The following SLC25A43 variants were observed in gnomAD, a reference collection of about 807,000 sequenced individuals.
SLC25A43 encodes the protein solute carrier family 25 member 43.
In SLC25A43, 10 loss-of-function variants were observed where a neutral mutation model predicts 22.8. The observed-to-expected ratio is 0.44, with a 90% confidence interval of 0.27 to 0.74. The LOEUF is 0.74. SLC25A43 is among the 30% of genes least tolerant of loss of function. SLC25A43 has a pLI of 0.17. For synonymous variants in SLC25A43, 106 were observed against 121.6 expected (o/e 0.87, Z 0.84); for missense variants, 233 against 279.1 (o/e 0.83, Z 1.18).
Position 119,443,752 on chromosome X carries a change from T to TTTTA in SLC25A43, c.691-8253_691-8250dup, listed in dbSNP as rs1556099147. On this transcript the variant is annotated intron_variant, in intron 3 of 4. Transcript: ENST00000217909. ...TTTATTTATTTATTTATTTATTTAT[T>TTTTA]TTTATTTTTTTGAAACAGGGTTTTT... 9.9e-3 allele frequency among the ~76,000 whole-genome samples: 1,013 copies of TTTTA among 102,550 alleles called. 139 individuals are homozygous for TTTTA. The highest frequency in any genetic ancestry group is 0.032 in the African/African-American group (890 of 27,921). The allele number at this position is 102,550 out of a possible 115,157, so 89.1% of individuals were successfully genotyped here. A position where few individuals can be genotyped will look rare whatever the true frequency, so the allele number is the denominator to read the frequency against.
chrX:119,400,618 C>T (rs1460782948), intron 1 of SLC25A43, among the ~76,000 whole-genome samples: 1 of 111,992 alleles, frequency 8.9e-6, no homozygotes, highest in Non-Finnish European at 1.9e-5. Context: ...TTAGTCTTGG[C>T]GGCTAATAGT....
At chrX:119,404,647 G>GCA (rs1451991799) in intron 1 of SLC25A43, among the ~76,000 whole-genome samples, 4 of 111,466 alleles carry the variant, frequency 3.6e-5, no homozygotes, top group African/African-American at 1.3e-4. Context: ...TGGATGAAAA[G>GCA]CACATGATCT....
intron 2 of SLC25A43, among the ~76,000 whole-genome samples, chrX:119,409,776 C>G (rs2052333507): frequency 9.1e-6 from 1 of 110,246 alleles, no homozygotes; most frequent in African/African-American, 3.3e-5. Context: ...ACGCCACACC[C>G]AGTTACTTTT....
chrX:119,442,069 G>A (rs919730474), intron 3 of SLC25A43, among the ~76,000 whole-genome samples: 1 of 105,402 alleles, frequency 9.5e-6, no homozygotes, highest in East Asian at 2.8e-4. Context: ...CAGCCTGGGT[G>A]ACAGAGCGAG....
chrX:119,452,492 C>CA (rs376677564), intron 4 of SLC25A43, among the ~76,000 whole-genome samples: 8,636 of 65,831 alleles, frequency 0.13, 418 homozygotes, highest in African/African-American at 0.18. Context: ...AACTCCATGA[C>CA]AAAAAAAAAA....
chrX:119,405,361 CTT>C (rs200334829), intron 1 of SLC25A43, among the ~76,000 whole-genome samples: 2,562 of 110,540 alleles, frequency 0.023, 63 homozygotes, highest in African/African-American at 0.075. Flanking sequence ...AATGCCCACT[CTT>C]ATTTCTCATG....
At chrX:119,429,954 T>C (rs1603297743) in intron 3 of SLC25A43, among the ~76,000 whole-genome samples, 1 of 112,113 alleles carries the variant, frequency 8.9e-6, no homozygotes, top group East Asian at 2.8e-4. Flanking sequence ...TTCAGTCTCC[T>C]CATTTGACAT....
intron 1 of SLC25A43, among the ~76,000 whole-genome samples, chrX:119,404,579 G>A (rs1414135106): frequency 9.0e-6 from 1 of 111,254 alleles, no homozygotes; most frequent in Non-Finnish European, 1.9e-5. Context: ...CTGTCCTCTC[G>A]GGTTTTTATG....
At chrX:119,412,275 G>A (rs746549354) in intron 3 of SLC25A43, among the ~76,000 whole-genome samples, 2 of 111,674 alleles carry the variant, frequency 1.8e-5, no homozygotes, top group South Asian at 7.5e-4. Flanking sequence ...TGGTAGTATA[G>A]GTGCAAAATT....
chrX:119,405,584 C>A (rs184849157), intron 1 of SLC25A43, among the ~76,000 whole-genome samples: 4,616 of 86,364 alleles, frequency 0.053, 167 homozygotes, highest in Non-Finnish European at 0.082. Flanking sequence ...CATGGCGAAA[C>A]CCTATCTCTA....
At chrX:119,425,662 G>A (rs1258196850) in intron 3 of SLC25A43, among the ~76,000 whole-genome samples, 2 of 108,429 alleles carry the variant, frequency 1.8e-5, no homozygotes, top group Admixed American at 9.9e-5. Context: ...TCAAATATAG[G>A]TAGATGTCTG....
chrX:119,451,975 C>A, intron 3 of SLC25A43, 34 bp from the exon 4 acceptor site: 1 of 1,209,314 alleles, frequency 8.3e-7, no homozygotes, highest in South Asian at 1.8e-5. Context: ...CCTAATGTTT[C>A]AATCACCTCA....
At chrX:119,403,161 G>A (rs1353763372) in intron 1 of SLC25A43, among the ~76,000 whole-genome samples, 1 of 111,102 alleles carries the variant, frequency 9.0e-6, no homozygotes, top group African/African-American at 3.3e-5. Flanking sequence ...AATTAACTAT[G>A]CCCTAGAAGT....
At chrX:119,448,032 C>T (rs915051603) in intron 3 of SLC25A43, among the ~76,000 whole-genome samples, 3 of 111,556 alleles carry the variant, frequency 2.7e-5, no homozygotes, top group African/African-American at 9.8e-5. Flanking sequence ...AAACAAAAAG[C>T]CAACCTGCTT....
At chrX:119,407,614 A>G (rs1156383080) in intron 2 of SLC25A43, among the ~76,000 whole-genome samples, 2 of 111,018 alleles carry the variant, frequency 1.8e-5, no homozygotes, top group Non-Finnish European at 3.8e-5. Flanking sequence ...AGAAACTAGC[A>G]ATAGAACTCC....
intron 3 of SLC25A43, among the ~76,000 whole-genome samples, chrX:119,418,470 G>C: frequency 9.0e-6 from 1 of 111,729 alleles, no homozygotes; most frequent in Non-Finnish European, 1.9e-5. Flanking sequence ...AATTTTTCTC[G>C]ATCCCTGCAC....
intron 3 of SLC25A43, among the ~76,000 whole-genome samples, chrX:119,430,933 T>C (rs1293039330): frequency 1.8e-5 from 2 of 111,871 alleles, no homozygotes; most frequent in Admixed American, 1.9e-4. Flanking sequence ...TCAGTGTACA[T>C]GCTTTGGCAG....
chrX:119,411,991 T>C (rs2052353065), intron 3 of SLC25A43, among the ~76,000 whole-genome samples: 1 of 111,967 alleles, frequency 8.9e-6, no homozygotes, highest in African/African-American at 3.2e-5. Context: ...TAGAAATTAA[T>C]TTGGGGTCAG....
intron 3 of SLC25A43, among the ~76,000 whole-genome samples, chrX:119,451,240 AG>A (rs2052705363): frequency 8.9e-6 from 1 of 111,949 alleles, no homozygotes; most frequent in African/African-American, 3.2e-5. Flanking sequence ...GGGTTCCGTC[AG>A]GATGGCTCTG....
Sources: gnomAD v4.1 joint callset for allele counts (sites outside exome capture counted in the v4.1 genomes callset) on GRCh38, gnomAD v4.1.1 for gene constraint, MANE v1.5 for transcripts, NCBI Gene and HGNC (gene_info 2026-07-23, HGNC 2026-07-21) for gene names.